SLCO1C1: variants seen among roughly 807,000 people sequenced by gnomAD.
SLCO1C1 encodes solute carrier organic anion transporter family member 1C1.
A neutral mutation model predicts 76.4 loss-of-function variants in SLCO1C1; 70 were observed. The ratio of observed to expected loss-of-function variants is 0.92; its 90% CI spans 0.76 to 1.12. SLCO1C1 has a LOEUF of 1.12. Among genes scored for constraint, SLCO1C1 ranks in the 50% most tolerant of loss-of-function variants. SLCO1C1 has a pLI of 0.00. For synonymous variants in SLCO1C1, 306 were observed against 286.1 expected, an observed-to-expected ratio of 1.07 and a Z score of -0.70; for missense variants, 912 against 823.8, an observed-to-expected ratio of 1.11 and a Z score of -1.31.
At position 20,695,650 on chromosome 12, in the gene SLCO1C1, T is replaced by G. The variant is rs951414380; in HGVS notation, c.-183T>G. On this transcript the variant is annotated 5_prime_UTR_variant, in exon 1 of 15. Transcript: ENST00000266509. ...CCTTCATCTTTTCTTTTCCCTAATC[T>G]CCTCTGCTTGTGTCCACCCACACTC... 2 of 151,946 alleles carry G rather than the reference T, an allele frequency of 1.3e-5. No homozygotes were observed. The highest frequency in any genetic ancestry group is 4.8e-5 in the African/African-American group (2 of 41,368). 9.4% of individuals were successfully genotyped at this position (151,946 alleles called of 1,614,324 possible).
chr12:20,742,447 A>C (rs1179559223), intron 12 of SLCO1C1, among the ~76,000 whole-genome samples: 1 of 152,006 alleles, frequency 6.6e-6, no homozygotes, highest in Non-Finnish European at 1.5e-5. Flanking sequence ...TTACTATTAA[A>C]TTTCATAGGC....
intron 9 of SLCO1C1, among the ~76,000 whole-genome samples, chr12:20,724,486 A>G (rs1387030994): frequency 2.1e-5 from 3 of 140,470 alleles, no homozygotes; most frequent in Non-Finnish European, 4.6e-5. Flanking sequence ...TGTCACATCC[A>G]GCATCCAGAA....
chr12:20,720,007 G>A, intron 7 of SLCO1C1, among the ~76,000 whole-genome samples: 1 of 152,166 alleles, frequency 6.6e-6, no homozygotes, highest in Non-Finnish European at 1.5e-5. Flanking sequence ...TGACTCTCTT[G>A]TTAGGGGCTA....
chr12:20,731,949 G>A (rs946794108), intron 9 of SLCO1C1, among the ~76,000 whole-genome samples: 14 of 152,028 alleles, frequency 9.2e-5, no homozygotes, highest in South Asian at 2.1e-4. Flanking sequence ...TATTAGCTCC[G>A]TATTATAGAT....
intron 1 of SLCO1C1, among the ~76,000 whole-genome samples, chr12:20,698,952 G>T (rs979808115): frequency 1.3e-5 from 2 of 152,050 alleles, no homozygotes; most frequent in African/African-American, 4.8e-5. Flanking sequence ...ATCAAAGACT[G>T]TTCTTTCACC....
At chr12:20,712,605 T>C (rs1238629900) in intron 5 of SLCO1C1, among the ~76,000 whole-genome samples, 1 of 152,210 alleles carries the variant, frequency 6.6e-6, no homozygotes, top group African/African-American at 2.4e-5. Flanking sequence ...CCACATTGTA[T>C]ACAGGCAGAA....
chr12:20,709,233 A>T lies in SLCO1C1; in HGVS notation c.405-2153A>T, dbSNP rs192748533. On this transcript the variant is annotated intron_variant, in intron 4 of 14. Transcript: ENST00000266509. Reference sequence around the variant, plus strand: ...TACACTTTTGTCTCTTCTCCAACAGAGTCTCAATAGGTACAGACCACATCC... The same window carrying T: ...TACACTTTTGTCTCTTCTCCAACAGTGTCTCAATAGGTACAGACCACATCC... Among the ~76,000 whole-genome samples the T allele has an allele frequency of 4.6e-5, 7 of 152,306 alleles. 1 individual carries two copies. The highest frequency in any genetic ancestry group is 4.6e-4 in the Admixed American group (7 of 15,296).
At chr12:20,736,266 CA>C (rs35908879) in intron 10 of SLCO1C1, among the ~76,000 whole-genome samples, 3 of 141,970 alleles carry the variant, frequency 2.1e-5, no homozygotes, top group African/African-American at 5.3e-5. Context: ...TGGCAGAGAA[CA>C]AAAAAAAATG....
chr12:20,727,242 GTAGT>G (rs1948060720), intron 9 of SLCO1C1, among the ~76,000 whole-genome samples: 2 of 152,090 alleles, frequency 1.3e-5, no homozygotes, highest in African/African-American at 4.8e-5. Context: ...AGGTCAAATG[GTAGT>G]TAAACTCTTA....
chr12:20,711,313 G>C, intron 4 of SLCO1C1, 73 bp from the exon 5 acceptor site: 3 of 1,510,732 alleles, frequency 2.0e-6, no homozygotes, highest in South Asian at 2.5e-5. Context: ...CTAACGATTC[G>C]TGTAGCATAC....
rs993396939 is a variant in SLCO1C1, at chr12:20,752,925, C to G, written c.*397C>G. The G allele has an allele frequency of 6.5e-6, 1 of 152,950 alleles. No homozygotes were observed. Among genetic ancestry groups the G allele is most frequent in the Non-Finnish European group, 1.5e-5 (1 of 68,670 alleles). 9.5% of individuals were successfully genotyped at this position (152,950 alleles called of 1,614,324 possible). A position where few individuals can be genotyped will look rare whatever the true frequency, so the allele number is the denominator to read the frequency against. ...AAATACTGCTAACAATTAACTCATA[C>G]CTTGGGTTCCTTCAAGTATTACTCC... On this transcript the variant is annotated 3_prime_UTR_variant, in exon 15 of 15. Transcript: ENST00000266509.
chr12:20,720,628 T>C (rs1947616301), intron 7 of SLCO1C1, among the ~76,000 whole-genome samples: 1 of 152,198 alleles, frequency 6.6e-6, no homozygotes, highest in South Asian at 2.1e-4. Flanking sequence ...TAAGTGCATA[T>C]GTGGTAGAAA....
intron 6 of SLCO1C1, among the ~76,000 whole-genome samples, chr12:20,716,382 T>C (rs1230336529): frequency 6.6e-6 from 1 of 152,200 alleles, no homozygotes; most frequent in Admixed American, 6.5e-5. Flanking sequence ...TGTTCTCTTT[T>C]CCTCTGTTCC....
chr12:20,701,580 T>TTC, intron 3 of SLCO1C1, 121 bp downstream of exon 3: 1 of 944,040 alleles, frequency 1.1e-6, no homozygotes, highest in Non-Finnish European at 1.4e-6. Context: ...ATCTTTTTTT[T>TTC]TTTTTTTGGA....
At chr12:20,743,673 G>C (rs930990117) in intron 13 of SLCO1C1, among the ~76,000 whole-genome samples, 3 of 151,934 alleles carry the variant, frequency 2.0e-5, no homozygotes, top group African/African-American at 7.2e-5. Flanking sequence ...AAAATCCATG[G>C]CTTTAACAAG....
At position 20,723,588 on chromosome 12, in the gene SLCO1C1, C is replaced by T. The variant is rs185762273; in HGVS notation, c.1186+334C>T. Among the ~76,000 whole-genome samples, 26 of 152,152 alleles carry T rather than the reference C, an allele frequency of 1.7e-4. 1 individual carries two copies. Among genetic ancestry groups the T allele is most frequent in the Admixed American group, 1.0e-3 (16 of 15,282 alleles). On this transcript the variant is annotated intron_variant, in intron 9 of 14. Coordinates refer to ENST00000266509, the MANE Select transcript of SLCO1C1 (RefSeq NM_017435.5). Reference sequence around the variant, plus strand: ...ACAGTTTCTAGGATTATATAAAATGCACAATGAGATAGGTTAAAAGATGTT... The same window carrying T: ...ACAGTTTCTAGGATTATATAAAATGTACAATGAGATAGGTTAAAAGATGTT...
intron 13 of SLCO1C1, 137 bp from the exon 14 acceptor site, chr12:20,750,538 G>C: frequency 5.4e-6 from 4 of 734,786 alleles, no homozygotes; most frequent in Non-Finnish European, 9.3e-6. Flanking sequence ...AGATAGGTTT[G>C]GGAGATTTCA....
chr12:20,701,392 T>G lies in SLCO1C1; in HGVS notation c.204T>G (p.Thr68=). The G allele has an allele frequency of 1.3e-6, 2 of 1,555,912 alleles. No homozygotes were observed. Among genetic ancestry groups the G allele is most frequent in the South Asian group, 2.4e-5 (2 of 84,666 alleles). ...AAGGCTATCTGAAGAGCACCATCAC[T>G]CAGATAGAGAGAAGGTTTGATATCC... ...LAEGYLKSTI[T]QIERRFDIPS... Residue 68 remains threonine, a synonymous_variant, in exon 3 of 15, where the codon ACT becomes ACG. Coordinates refer to ENST00000266509, the MANE Select transcript of SLCO1C1 (RefSeq NM_017435.5).
chr12:20,696,881 C>T (rs1946293328), intron 1 of SLCO1C1: 1 of 152,070 alleles, frequency 6.6e-6, no homozygotes, highest in African/African-American at 2.4e-5. Flanking sequence ...ATAATTTGCG[C>T]ATTAACCATC....
Sources: gnomAD v4.1 joint callset for allele counts (sites outside exome capture counted in the v4.1 genomes callset) on GRCh38, gnomAD v4.1.1 for gene constraint, MANE v1.5 for transcripts, NCBI Gene and HGNC (gene_info 2026-07-23, HGNC 2026-07-21) for gene names.